Variants in GCSH observed in about 807,000 individuals in gnomAD.
The protein encoded by GCSH is glycine cleavage system protein H, also known as glycine cleavage system H protein, mitochondrial.
A neutral mutation model predicts 21.3 loss-of-function variants in GCSH; 15 were observed. That is an observed-to-expected ratio of 0.70 (90% confidence interval 0.47 to 1.08). The LOEUF (loss-of-function observed/expected upper bound fraction) is 1.08, where lower values mean the gene tolerates loss of function less well. GCSH is among the 50% of genes least tolerant of loss of function. The probability of loss-of-function intolerance (pLI) is 0.00; values close to 1 mark genes in which losing one functional copy is unlikely to be tolerated. For synonymous variants in GCSH, 59 were observed against 84.5 expected, an observed-to-expected ratio of 0.70 and a Z score of 1.66; for missense variants, 179 against 217.5, an observed-to-expected ratio of 0.82 and a Z score of 1.11.
rs1443267686 is a variant in GCSH at position 81,096,202 on chromosome 16, C to T, written c.77G>A (p.Cys26Tyr). ...CCCCAGCTGCCAGGGCCTCGGCGGGCAGGGCGCGGCGGGTGACGGGACCGC... is the reference window on the plus strand; with the variant it reads ...CCCCAGCTGCCAGGGCCTCGGCGGGTAGGGCGCGGCGGGTGACGGGACCGC... ...LRAVPSPAAPCPPRPWQLGVG... is the reference protein window; with the variant it reads ...LRAVPSPAAPYPPRPWQLGVG... Residue 26 changes from cysteine (C) to tyrosine (Y), a missense_variant, in exon 1 of 5, where the codon TGC becomes TAC. By Grantham distance (194) the Cys-to-Tyr change is radical. Coordinates refer to ENST00000315467, the MANE Select transcript of GCSH (RefSeq NM_004483.5). The T allele has an allele frequency of 1.3e-5, 17 of 1,318,712 alleles. No individual in the cohort carries two copies. Among genetic ancestry groups the T allele is most frequent in the Admixed American group, 8.0e-5 (2 of 24,934 alleles). 81.7% of individuals were successfully genotyped at this position (1,318,712 alleles called of 1,614,324 possible).
chr16:81,088,061 G>C (rs1313929760), intron 2 of GCSH, among the ~76,000 whole-genome samples: 1 of 152,174 alleles, frequency 6.6e-6, no homozygotes, highest in Non-Finnish European at 1.5e-5. Context: ...GGGAGGCAGA[G>C]GTTGCAGTGA....
At chr16:81,090,104 T>A (rs992649701) in intron 2 of GCSH, among the ~76,000 whole-genome samples, 1 of 152,050 alleles carries the variant, frequency 6.6e-6, no homozygotes, top group Non-Finnish European at 1.5e-5. Context: ...TTCTTTTTTT[T>A]TTTGGAGATG....
At chr16:81,090,410 C>CG (rs1972375115) in intron 2 of GCSH, among the ~76,000 whole-genome samples, 191 bp downstream of exon 2, 3 of 151,796 alleles carry the variant, frequency 2.0e-5, no homozygotes, top group East Asian at 3.9e-4. Context: ...TTGGTAGAGA[C>CG]GGGGTCTCAC....
rs8177882 is a variant in GCSH, at chr16:81,089,668, C to T, written c.228+933G>A. Among the ~76,000 whole-genome samples the T allele has an allele frequency of 1.0e-2, 1,519 of 152,276 alleles. 16 individuals carry two copies. Among genetic ancestry groups the T allele is most frequent in the African/African-American group, 0.034 (1,420 of 41,548 alleles). On this transcript the variant is annotated intron_variant, in intron 2 of 4. Transcript: ENST00000315467. Reference sequence around the variant, plus strand: ...ACACGAGTGCATTCCCATCAGTTAACATCCCCCCTTCCCCGCCTCACCCAA... The same window carrying T: ...ACACGAGTGCATTCCCATCAGTTAATATCCCCCCTTCCCCGCCTCACCCAA...
At chr16:81,092,638 G>A (rs1972419896) in intron 1 of GCSH, among the ~76,000 whole-genome samples, 1 of 151,774 alleles carries the variant, frequency 6.6e-6, no homozygotes, top group Admixed American at 6.6e-5. Context: ...AGCGACTTGG[G>A]AAGCTGAGGC....
At position 81,084,609 on chromosome 16, in the gene GCSH, A is replaced by T; in HGVS notation, c.293-15T>A. On this transcript the variant is annotated splice_polypyrimidine_tract_variant and intron_variant, in intron 3 of 4. Transcript: ENST00000315467. ...ACCAAACTCATCTAAGTGGAAAAAA[A>T]ATTAAAGAAAACATGAAATGTTAAA... 6.3e-7 allele frequency: 1 copy of T among 1,590,608 alleles called. No homozygotes were observed. Among genetic ancestry groups the T allele is most frequent in the Non-Finnish European group, 8.6e-7 (1 of 1,161,570 alleles).
intron 1 of GCSH, chr16:81,090,946 G>A (rs1972386079): frequency 1.9e-6 from 1 of 538,992 alleles, no homozygotes; most frequent in African/African-American, 1.9e-5. Flanking sequence ...ACATTACTTA[G>A]CCTAAATCAC....
rs761558379 is a variant in GCSH, at chr16:81,082,747, T to C, written c.*119A>G. 39 of 635,660 alleles carry C rather than the reference T, an allele frequency of 6.1e-5. No individual in the cohort carries two copies. Among genetic ancestry groups the C allele is most frequent in the South Asian group, 1.6e-4 (9 of 57,860 alleles). 39.4% of individuals were successfully genotyped at this position (635,660 alleles called of 1,614,324 possible). A position where few individuals can be genotyped will look rare whatever the true frequency, so the allele number is the denominator to read the frequency against. Reference sequence around the variant, plus strand: ...TTTCATTAGCAGTGTTAACAGTAGTTTTTTTTTCCCCATCGGTAATACTAA... The same window carrying C: ...TTTCATTAGCAGTGTTAACAGTAGTCTTTTTTTCCCCATCGGTAATACTAA... On this transcript the variant is annotated 3_prime_UTR_variant, in exon 5 of 5. Transcript: ENST00000315467.
chr16:81,088,129 A>G (rs1388128897), intron 2 of GCSH, among the ~76,000 whole-genome samples: 2 of 152,126 alleles, frequency 1.3e-5, no homozygotes, highest in Non-Finnish European at 1.5e-5. Flanking sequence ...CCATGTCAAG[A>G]ATAAAAATAA....
chr16:81,088,631 C>G (rs1446243215), intron 2 of GCSH, among the ~76,000 whole-genome samples: 1 of 152,156 alleles, frequency 6.6e-6, no homozygotes, highest in Non-Finnish European at 1.5e-5. Context: ...GAACTTTTGA[C>G]CTCAGATAAT....
intron 3 of GCSH, among the ~76,000 whole-genome samples, chr16:81,085,326 TTAAAAA>T (rs572106581): frequency 1.8e-4 from 28 of 152,142 alleles, no homozygotes; most frequent in Non-Finnish European, 3.5e-4. Flanking sequence ...ATTTCTTTAA[TTAAAAA>T]TAAAACCATA....
rs368376704 is a variant in GCSH, at chr16:81,095,164, G to A, written c.148+967C>T. Among the ~76,000 whole-genome samples, 354 of 152,026 alleles carry A rather than the reference G, an allele frequency of 2.3e-3. 10 individuals are homozygous for A. The South Asian group carries it at 0.071, about 31-fold the overall frequency. ...TAATTGTGCTGAAGTAGCACAAATG[G>A]CCGAAACATTCATGGGCAGGTTTCC... is the stretch of plus-strand genomic sequence containing the variant. On this transcript the variant is annotated intron_variant, in intron 1 of 4. Transcript: ENST00000315467.
At chr16:81,084,791 G>A (rs1972238685) in intron 3 of GCSH, among the ~76,000 whole-genome samples, 197 bp from the exon 4 acceptor site, 1 of 148,368 alleles carries the variant, frequency 6.7e-6, no homozygotes, top group Admixed American at 6.9e-5. Flanking sequence ...GTCACTGCAA[G>A]CTCCACCTCC....
In GCSH at chr16:81,090,599, A is replaced by C; in HGVS notation, c.228+2T>G. ...GACAAATATTTCAATATAATCCAAT[A>C]CCTGTGCAAAATTGCTGATTCCCAC... is the stretch of plus-strand genomic sequence containing the variant. On this transcript the variant is annotated splice_donor_variant, in intron 2 of 4. Coordinates refer to ENST00000315467, the MANE Select transcript of GCSH (RefSeq NM_004483.5). LOFTEE classifies it high-confidence loss of function. 6.4e-7 allele frequency: 1 copy of C among 1,567,792 alleles called. No homozygotes were observed. The highest frequency in any genetic ancestry group is 8.8e-7 in the Non-Finnish European group (1 of 1,138,426).
chr16:81,093,603 G>A (rs976841231), intron 1 of GCSH, among the ~76,000 whole-genome samples: 3 of 152,036 alleles, frequency 2.0e-5, no homozygotes, highest in African/African-American at 7.2e-5. Flanking sequence ...CACTTTGGGA[G>A]GCCGAGGCAG....
At chr16:81,087,335 T>G (rs8177914) in intron 3 of GCSH, among the ~76,000 whole-genome samples, 5,615 of 152,052 alleles carry the variant, frequency 0.037, 276 homozygotes, top group African/African-American at 0.12. Flanking sequence ...AGACCAGCCT[T>G]GCCAACATGG....
chr16:81,096,380 G>A lies in GCSH; in HGVS notation c.-102C>T. 3.1e-6 allele frequency: 3 copies of A among 961,306 alleles called. No homozygotes were observed. The highest frequency in any genetic ancestry group is 2.8e-6 in the Non-Finnish European group (2 of 718,828). 59.5% of individuals were successfully genotyped at this position (961,306 alleles called of 1,614,324 possible). A position where few individuals can be genotyped will look rare whatever the true frequency, so the allele number is the denominator to read the frequency against. On this transcript the variant is annotated 5_prime_UTR_variant, in exon 1 of 5. Transcript: ENST00000315467. ...GCGGCCGGAGGGAGCCGGCTGGATG[G>A]AGGCGCGGAGGCGGTGCCGCGGGGG...
chr16:81,085,015 CT>C (rs34324394), intron 3 of GCSH, among the ~76,000 whole-genome samples: 10 of 106,810 alleles, frequency 9.4e-5, no homozygotes, highest in African/African-American at 1.5e-4. Context: ...GCACCTGGCT[CT>C]TTTTTTTTTT....
chr16:81,095,111 A>G (rs1972476123), intron 1 of GCSH, among the ~76,000 whole-genome samples: 1 of 152,038 alleles, frequency 6.6e-6, no homozygotes, highest in Non-Finnish European at 1.5e-5. Flanking sequence ...GAAAAAAAAA[A>G]AAAAAGAAAA....
Sources: gnomAD v4.1 joint callset for allele counts (sites outside exome capture counted in the v4.1 genomes callset) on GRCh38, gnomAD v4.1.1 for gene constraint, MANE v1.5 for transcripts, NCBI Gene and HGNC (gene_info 2026-07-23, HGNC 2026-07-21) for gene names.